The following TLK2 variants were observed in gnomAD, a reference collection of about 807,000 sequenced individuals.
TLK2 encodes the protein serine/threonine-protein kinase tousled-like 2.
A neutral mutation model predicts 117.3 loss-of-function variants in TLK2; 6 were observed. That is an observed-to-expected ratio of 0.05 (90% CI 0.03 to 0.10). TLK2 has a LOEUF of 0.10. Among genes scored for constraint, TLK2 ranks in the 10% least tolerant of loss-of-function variants. TLK2 has a pLI of 1.00. For missense variants in TLK2, 299 were observed against 901.2 expected (o/e 0.33, Z 8.56); for synonymous variants, 257 against 316.7 (o/e 0.81, Z 2.00).
rs2543434 is a variant in TLK2, at chr17:62,525,950, A to T, written c.363+1619A>T. 3.8e-3 allele frequency among the ~76,000 whole-genome samples: 579 copies of T among 152,286 alleles called. 2 individuals carry two copies. The highest frequency in any genetic ancestry group is 6.2e-3 in the Non-Finnish European group (425 of 68,030). On this transcript the variant is annotated intron_variant, in intron 6 of 21. Transcript: ENST00000346027. ...CAGATACGTTTTGTAGAATTTCTCG[A>T]TGTTGTCTATCACTCTTTTCTTCCT...
At chr17:62,555,669 G>T (rs1382068136) in intron 9 of TLK2, among the ~76,000 whole-genome samples, 1 of 151,580 alleles carries the variant, frequency 6.6e-6, no homozygotes, top group Admixed American at 6.6e-5. Context: ...AGTAGAGACG[G>T]GGTTTCACCA....
chr17:62,547,596 C>A (rs541234431), intron 7 of TLK2, among the ~76,000 whole-genome samples: 4 of 152,142 alleles, frequency 2.6e-5, no homozygotes, highest in African/African-American at 9.7e-5. Context: ...TAACTGCCAA[C>A]GTCCTCAGTT....
At chr17:62,576,822 T>C (rs937860257) in intron 13 of TLK2, 47 bp downstream of exon 13, 43 of 1,478,086 alleles carry the variant, frequency 2.9e-5, no homozygotes, top group Non-Finnish European at 3.8e-5. Context: ...ATACCTAGTT[T>C]AAATTTGGGG....
intron 2 of TLK2, among the ~76,000 whole-genome samples, chr17:62,513,877 C>T (rs1038694623): frequency 2.0e-5 from 3 of 151,682 alleles, no homozygotes; most frequent in African/African-American, 7.3e-5. Context: ...TTAGTAGAGA[C>T]AGAGTTTCAC....
chr17:62,471,852 G>T (rs1364881351), intron 1 of TLK2, among the ~76,000 whole-genome samples: 4 of 145,212 alleles, frequency 2.8e-5, no homozygotes, highest in Non-Finnish European at 6.0e-5. Context: ...CTATTAACGT[G>T]GAAAGAGCGA....
chr17:62,518,250 T>G (rs1166586798), intron 2 of TLK2, among the ~76,000 whole-genome samples: 13 of 152,224 alleles, frequency 8.5e-5, no homozygotes, highest in Non-Finnish European at 1.5e-4. Context: ...GGTGTTACCA[T>G]GAAAATGAAG....
intron 16 of TLK2, among the ~76,000 whole-genome samples, chr17:62,594,661 A>G (rs2147068975): frequency 6.6e-6 from 1 of 152,348 alleles, no homozygotes; most frequent in Middle Eastern, 3.4e-3. Context: ...AGAAAGTTTA[A>G]TAGAAACAAG....
intron 16 of TLK2, among the ~76,000 whole-genome samples, chr17:62,594,389 CAG>C (rs374764398): frequency 8.0e-4 from 122 of 152,258 alleles, no homozygotes; most frequent in African/African-American, 2.9e-3. Flanking sequence ...GCCTTGGCAA[CAG>C]AGCGAGACTC....
intron 3 of TLK2, 144 bp from the exon 4 acceptor site, chr17:62,522,060 G>T (rs1367706125): frequency 1.1e-6 from 1 of 876,188 alleles, no homozygotes; most frequent in Non-Finnish European, 1.7e-6. Context: ...GTTATACTCA[G>T]TTTTAAGAGG....
chr17:62,566,204 A>G (rs777895884), intron 11 of TLK2, among the ~76,000 whole-genome samples: 26 of 151,456 alleles, frequency 1.7e-4, no homozygotes, highest in Non-Finnish European at 3.2e-4. Flanking sequence ...TTTAATCTCT[A>G]GGTCATGATG....
intron 7 of TLK2, among the ~76,000 whole-genome samples, chr17:62,546,125 G>C (rs1028569350): frequency 2.0e-5 from 3 of 151,824 alleles, no homozygotes; most frequent in African/African-American, 7.3e-5. Context: ...CAAGTGATCT[G>C]CCCGCCTTGG....
chr17:62,504,460 C>T lies in TLK2; in HGVS notation c.82-16313C>T, dbSNP rs1431865396. ...CCAGCTGTTCTCTGTTGATCATACC[C>T]TTGGACCATCCCATGTGTTCCTAGT... On this transcript the variant is annotated intron_variant, in intron 2 of 21. Coordinates refer to ENST00000346027, the MANE Select transcript of TLK2 (RefSeq NM_006852.6). 2.0e-5 allele frequency among the ~76,000 whole-genome samples: 3 copies of T among 152,244 alleles called. No homozygotes were observed. The East Asian group carries it at 5.8e-4, about 29-fold the overall frequency.
chr17:62,564,535 CAAAAAAAA>C (rs58856005), intron 10 of TLK2, among the ~76,000 whole-genome samples: 7 of 63,340 alleles, frequency 1.1e-4, no homozygotes, highest in Admixed American at 2.0e-4. Flanking sequence ...GACTTCGTCT[CAAAAAAAA>C]AAAAAAAAAA....
At chr17:62,592,473 TTTG>T (rs2082151073) in intron 16 of TLK2, among the ~76,000 whole-genome samples, 1 of 152,218 alleles carries the variant, frequency 6.6e-6, no homozygotes, top group South Asian at 2.1e-4. Context: ...GTTAGGTGAT[TTTG>T]TTGTTGTGCA....
intron 21 of TLK2, chr17:62,612,074 A>AT (rs951439238): frequency 0.017 from 2,978 of 177,740 alleles, 3 homozygotes; most frequent in Middle Eastern, 0.045. Context: ...ACAAAGAGAG[A>AT]TTTTTTTTTT....
rs905364104 is a variant in TLK2, at chr17:62,562,214, G to T, written c.831+2088G>T. Among the ~76,000 whole-genome samples the T allele has an allele frequency of 6.6e-5, 10 of 152,206 alleles. No homozygotes were observed. In the East Asian group the frequency reaches 1.9e-3, roughly 29 times the overall value. On this transcript the variant is annotated intron_variant, in intron 10 of 21. Transcript: ENST00000346027. Reference sequence around the variant, plus strand: ...ATCTCTACTAAAAATACAAAAATTGGCTGAGTGTGGGGGTGTGCGCCTGTA... The same window carrying T: ...ATCTCTACTAAAAATACAAAAATTGTCTGAGTGTGGGGGTGTGCGCCTGTA...
intron 10 of TLK2, among the ~76,000 whole-genome samples, chr17:62,563,175 GAC>G (rs896170639): frequency 2.0e-5 from 3 of 152,172 alleles, no homozygotes; most frequent in African/African-American, 7.2e-5. Context: ...AGAAACAAAA[GAC>G]ACAGTTCCTG....
upstream of TLK2, among the ~76,000 whole-genome samples, chr17:62,478,266 C>T (rs968222161): frequency 1.9e-4 from 29 of 151,654 alleles, no homozygotes; most frequent in African/African-American, 7.0e-4. Context: ...GTCCTCTAAA[C>T]TCCATCCCTG....
At chr17:62,505,730 A>G (rs1298899830) in intron 2 of TLK2, among the ~76,000 whole-genome samples, 2 of 151,938 alleles carry the variant, frequency 1.3e-5, no homozygotes, top group Non-Finnish European at 2.9e-5. Flanking sequence ...TGTTATACCA[A>G]TTCCAGGCTG....
Sources: allele counts gnomAD v4.1 joint callset (sites outside exome capture counted in the v4.1 genomes callset), GRCh38; gene constraint gnomAD v4.1.1; transcripts MANE v1.5; gene names NCBI Gene and HGNC (gene_info 2026-07-23, HGNC 2026-07-21).